The following WASHC5 variants were observed in gnomAD, a reference collection of about 807,000 sequenced individuals.
WASHC5 encodes WASH complex subunit 5.
A neutral mutation model predicts 150.4 loss-of-function variants in WASHC5; 101 were observed. The observed-to-expected ratio is 0.67, with a 90% confidence interval of 0.57 to 0.79. WASHC5 has a LOEUF of 0.79. Among genes scored for constraint, WASHC5 ranks in the 30% least tolerant of loss-of-function variants. The probability of loss-of-function intolerance (pLI) is 0.00; values close to 1 mark genes in which losing one functional copy is unlikely to be tolerated. For missense variants in WASHC5, 1,195 were observed against 1,396.3 expected (o/e 0.86, Z 2.30); for synonymous variants, 467 against 491.2 (o/e 0.95, Z 0.65).
chr8:125,081,647 T>C lies in WASHC5; in HGVS notation c.518+14A>G, dbSNP rs1364752723. 1 of 1,505,826 alleles carries C rather than the reference T, an allele frequency of 6.6e-7. No homozygotes were observed. The highest frequency in any genetic ancestry group is 1.1e-5 in the South Asian group (1 of 88,892). 93.3% of individuals were successfully genotyped at this position (1,505,826 alleles called of 1,614,324 possible). The stretch of plus-strand genomic sequence containing the variant: ...CAGCAGCGTTTCGGAAGTGTAGTCC[T>C]AGCCCAGGAATACCTGTATCGGTAG... On this transcript the variant is annotated intron_variant, in intron 5 of 28. Coordinates refer to ENST00000318410, the MANE Select transcript of WASHC5 (RefSeq NM_014846.4).
chr8:125,055,684 A>G lies in WASHC5; in HGVS notation c.2017-13T>C, dbSNP rs74458977. ...TAAGCTTGGCAACCTATAACAAAGA[A>G]AAAGAGGTATGAAAAATCACTGTCT... On this transcript the variant is annotated splice_polypyrimidine_tract_variant and intron_variant, in intron 16 of 28. Coordinates refer to ENST00000318410, the MANE Select transcript of WASHC5 (RefSeq NM_014846.4). 2.8e-4 allele frequency: 430 copies of G among 1,513,200 alleles called. No individual in the cohort carries two copies. The highest frequency in any genetic ancestry group is 4.3e-4 in the Admixed American group (26 of 59,866). The allele number at this position is 1,513,200 out of a possible 1,614,324, so 93.7% of individuals were successfully genotyped here.
intron 12 of WASHC5, among the ~76,000 whole-genome samples, chr8:125,060,876 C>T (rs771733176): frequency 5.9e-5 from 9 of 152,224 alleles, no homozygotes; most frequent in Non-Finnish European, 1.2e-4. Context: ...GTTACAATAT[C>T]GTAATTTTTG....
chr8:125,043,965 C>T (rs371156369), intron 22 of WASHC5, 27 bp downstream of exon 22: 54 of 1,439,676 alleles, frequency 3.8e-5, no homozygotes, highest in Middle Eastern at 3.5e-4. Flanking sequence ...GTGTCATCCC[C>T]GCCTCAGGTA....
chr8:125,070,878 G>C (rs1480940076), intron 9 of WASHC5, among the ~76,000 whole-genome samples: 1 of 152,202 alleles, frequency 6.6e-6, no homozygotes, highest in Non-Finnish European at 1.5e-5. Context: ...TCAAAGATAC[G>C]AAGGATGAGG....
intron 19 of WASHC5, among the ~76,000 whole-genome samples, chr8:125,048,203 TA>T (rs1428153511): frequency 2.6e-5 from 4 of 152,206 alleles, no homozygotes; most frequent in African/African-American, 9.6e-5. Flanking sequence ...CCATGTAATA[TA>T]AAAATCCAAA....
At chr8:125,061,540 G>A (rs1188897580) in intron 11 of WASHC5, among the ~76,000 whole-genome samples, 3 of 152,188 alleles carry the variant, frequency 2.0e-5, no homozygotes, top group Non-Finnish European at 4.4e-5. Flanking sequence ...GAAAAGTAAA[G>A]ATCAGATCAT....
At chr8:125,085,320 G>C (rs1184337938) in intron 1 of WASHC5, among the ~76,000 whole-genome samples, 1 of 152,210 alleles carries the variant, frequency 6.6e-6, no homozygotes, top group Non-Finnish European at 1.5e-5. Flanking sequence ...CGGGGCTAGA[G>C]AAAGAAACCT....
intron 20 of WASHC5, 104 bp from the exon 21 acceptor site, chr8:125,044,802 GT>G: frequency 8.6e-7 from 1 of 1,156,984 alleles, no homozygotes; most frequent in East Asian, 2.3e-5. Flanking sequence ...AAGAACAGGA[GT>G]TACATGATCT....
chr8:125,024,563 T>C lies in WASHC5; in HGVS notation c.*54A>G. 1 of 1,292,936 alleles carries C rather than the reference T, an allele frequency of 7.7e-7. No homozygotes were observed. Among genetic ancestry groups the C allele is most frequent in the Non-Finnish European group, 1.1e-6 (1 of 887,054 alleles). 80.1% of individuals were successfully genotyped at this position (1,292,936 alleles called of 1,614,324 possible). On this transcript the variant is annotated 3_prime_UTR_variant, in exon 29 of 29. Transcript: ENST00000318410. ...TTCTTTTCATCTTCAAATTCATTTG[T>C]GATGGTGGGAAGATCTAAGGACAAT...
intron 27 of WASHC5, 130 bp from the exon 28 acceptor site, chr8:125,028,837 T>C (rs1815445482): frequency 2.9e-6 from 2 of 699,374 alleles, no homozygotes; most frequent in Non-Finnish European, 5.2e-6. Flanking sequence ...ACATTGAGCA[T>C]GCTCTTAATT....
At chr8:125,056,929 A>AAG in intron 15 of WASHC5, 112 bp from the exon 16 acceptor site, 1 of 1,290,186 alleles carries the variant, frequency 7.8e-7, no homozygotes, top group South Asian at 1.2e-5. Flanking sequence ...AAAAATGTAA[A>AAG]AGAGCTGTTT....
chr8:125,055,637 G>A lies in WASHC5; in HGVS notation c.2051C>T (p.Thr684Ile). The A allele has an allele frequency of 1.9e-6, 3 of 1,612,836 alleles. No homozygotes were observed. Among genetic ancestry groups the A allele is most frequent in the Non-Finnish European group, 2.5e-6 (3 of 1,178,894 alleles). ...AKLTHAISIF[T>I]EGILMMKTTL... is the part of the protein sequence containing the mutation. The stretch of plus-strand genomic sequence containing the variant: ...CGTTTTCATCATTAAGATGCCTTCA[G>A]TAAAAATGGAAATAGCATGAGTAAG... Residue 684 changes from threonine (T) to isoleucine (I), a missense_variant, in exon 17 of 29, where the codon ACT becomes ATT. Thr to Ile is a moderately conservative substitution (Grantham distance 89). Around this residue, in one of 3 missense-constraint regions of WASHC5, gnomAD observed 997 missense variants for 1,168.1 expected, o/e 0.85. Transcript: ENST00000318410.
intron 24 of WASHC5, among the ~76,000 whole-genome samples, chr8:125,039,239 C>A (rs1004183115): frequency 5.9e-5 from 9 of 152,294 alleles, no homozygotes; most frequent in African/African-American, 1.7e-4. Context: ...TTGTCAAAAG[C>A]ACTGACTTGG....
chr8:125,032,656 T>A (rs1054000808), intron 26 of WASHC5: 3 of 478,218 alleles, frequency 6.3e-6, no homozygotes, highest in African/African-American at 5.9e-5. Context: ...AATTACTCAA[T>A]TAACATATAT....
chr8:125,084,077 T>C, intron 1 of WASHC5, 55 bp from the exon 2 acceptor site: 3 of 621,832 alleles, frequency 4.8e-6, no homozygotes, highest in Admixed American at 2.8e-5. Context: ...AGCACATGTG[T>C]ACACATAAGA....
intron 6 of WASHC5, 36 bp from the exon 7 acceptor site, chr8:125,076,536 G>A: frequency 6.2e-7 from 1 of 1,611,020 alleles, no homozygotes. Flanking sequence ...GAAAGCTGTT[G>A]GCAACATTTG....
At chr8:125,066,868 C>G (rs1816755805) in intron 10 of WASHC5, among the ~76,000 whole-genome samples, 1 of 152,214 alleles carries the variant, frequency 6.6e-6, no homozygotes, top group Non-Finnish European at 1.5e-5. Flanking sequence ...ACTAACAGAT[C>G]CCTTCCCCAG....
At chr8:125,070,047 A>C (rs768958614) in intron 9 of WASHC5, among the ~76,000 whole-genome samples, 13 of 152,092 alleles carry the variant, frequency 8.5e-5, no homozygotes, top group Non-Finnish European at 1.9e-4. Context: ...CTCAGATCTG[A>C]CCCTTAAGGA....
At chr8:125,038,288 T>C (rs1245475771) in intron 25 of WASHC5, among the ~76,000 whole-genome samples, 1 of 152,158 alleles carries the variant, frequency 6.6e-6, no homozygotes, top group Non-Finnish European at 1.5e-5. Context: ...TGCATCAAAA[T>C]ATATGAATGT....
Sources: gnomAD v4.1 joint callset for allele counts (sites outside exome capture counted in the v4.1 genomes callset) on GRCh38, gnomAD v4.1.1 for gene constraint, gnomAD v4.1.1 regional missense constraint, MANE v1.5 for transcripts, NCBI Gene and HGNC (gene_info 2026-07-23, HGNC 2026-07-21) for gene names.